The following VLDLR variants were observed in gnomAD, a reference collection of about 807,000 sequenced individuals.
The protein encoded by VLDLR is very low-density lipoprotein receptor.
VLDLR carries 81 observed loss-of-function variants against 112.7 expected under a neutral mutation model. The ratio of observed to expected loss-of-function variants is 0.72; its 90% CI spans 0.60 to 0.86. VLDLR has a LOEUF of 0.86. VLDLR is among the 40% of genes least tolerant of loss of function. The pLI is 0.00. For missense variants in VLDLR, 1,237 were observed against 1,099.4 expected (o/e 1.13, Z -1.77); for synonymous variants, 436 against 384.8 (o/e 1.13, Z -1.56).
At chr9:2,648,491 C>A in intron 13 of VLDLR, 144 bp downstream of exon 13, 1 of 1,505,880 alleles carries the variant, frequency 6.6e-7, no homozygotes, top group Non-Finnish European at 9.2e-7. Flanking sequence ...ACAAATCAGA[C>A]ACTAAGTCCC....
Position 2,643,518 on chromosome 9 carries a change from T to C in VLDLR, c.807T>C (p.Asp269=), listed in dbSNP as rs1328095742. 1 of 1,614,228 alleles carries C rather than the reference T, an allele frequency of 6.2e-7. No individual in the cohort carries two copies. The highest frequency in any genetic ancestry group is 1.1e-5 in the South Asian group (1 of 91,086). The change falls in exon 5 of 19, where the codon GAT becomes GAC. Residue 269 remains aspartate (D), a synonymous_variant. Transcript: ENST00000382100. ...DGDPDCKDGS[D]EVNCPSRTCR... ...ACCCTGACTGCAAGGATGGCAGTGA[T>C]GAGGTCAACTGTCGTAAGTAGCTTT...
At chr9:2,623,154 C>G (rs905610264) in intron 1 of VLDLR, among the ~76,000 whole-genome samples, 2 of 152,236 alleles carry the variant, frequency 1.3e-5, no homozygotes, top group African/African-American at 4.8e-5. Context: ...AGCGCGAGAG[C>G]GAGCGTGTGG....
At chr9:2,637,900 G>A (rs570027859) in intron 2 of VLDLR, among the ~76,000 whole-genome samples, 62 of 152,152 alleles carry the variant, frequency 4.1e-4, no homozygotes, top group Middle Eastern at 3.4e-3. Flanking sequence ...CCAAGACCAC[G>A]CCACTGCACT....
At chr9:2,653,049 A>T in intron 18 of VLDLR, 100 bp downstream of exon 18, 1 of 1,456,402 alleles carries the variant, frequency 6.9e-7, no homozygotes, top group Non-Finnish European at 9.6e-7. Context: ...TGATGGAGTT[A>T]CCAAACACTT....
intron 15 of VLDLR, 78 bp from the exon 16 acceptor site, chr9:2,651,337 T>C: frequency 7.9e-7 from 1 of 1,271,610 alleles, no homozygotes; most frequent in Non-Finnish European, 1.1e-6. Context: ...AATAACCTTT[T>C]ACATGGCTTG....
chr9:2,629,036 G>T (rs973171071), intron 1 of VLDLR, among the ~76,000 whole-genome samples: 1 of 152,204 alleles, frequency 6.6e-6, no homozygotes, highest in African/African-American at 2.4e-5. Flanking sequence ...TCAAAGTGTG[G>T]ACCGAAATTG....
rs961174337 is a variant in VLDLR at position 2,658,758 on chromosome 9, G to A, written c.*4890G>A. On this transcript the variant is annotated 3_prime_UTR_variant, in exon 19 of 19. Transcript: ENST00000382100. ...ACTACTGAATATCACATCAATGCTA[G>A]GGCTGTATTTACTGTCACACACAGG... 1 of 152,112 alleles carries A rather than the reference G, an allele frequency of 6.6e-6. No individual in the cohort carries two copies. The highest frequency in any genetic ancestry group is 1.5e-5 in the Non-Finnish European group (1 of 68,032). 9.4% of individuals were successfully genotyped at this position (152,112 alleles called of 1,614,324 possible).
In VLDLR at chr9:2,639,916, G is replaced by T. The variant is rs765060442; in HGVS notation, c.260G>T (p.Ser87Ile). ...TGCAACAATGGCCAGTGTGTTCCCA[G>T]CCGATGGAAGTGTGATGGAGATCCT... The part of the protein sequence containing the change: ...FVCNNGQCVP[S>I]RWKCDGDPDC... Residue 87 changes from serine (S) to isoleucine (I), a missense_variant, in exon 3 of 19, where the codon AGC (serine) becomes ATC (isoleucine). Coordinates refer to ENST00000382100, the MANE Select transcript of VLDLR (RefSeq NM_003383.5). The T allele has an allele frequency of 1.2e-6, 2 of 1,614,232 alleles. No homozygotes were observed. The highest frequency in any genetic ancestry group is 1.7e-6 in the Non-Finnish European group (2 of 1,180,026).
rs981359597 is a variant in VLDLR, at chr9:2,643,075, A to C, written c.449-85A>C. 6 of 1,585,556 alleles carry C rather than the reference A, an allele frequency of 3.8e-6. No individual in the cohort carries two copies. The Admixed American group carries it at 1.0e-4, about 26-fold the overall frequency. ...CTAGTAAGTTAGGATTAATGAATAA[A>C]GATCAATGTATTAGATTTTGGGACA... On this transcript the variant is annotated intron_variant, in intron 4 of 18. Coordinates refer to ENST00000382100, the MANE Select transcript of VLDLR (RefSeq NM_003383.5).
chr9:2,648,712 G>T lies in VLDLR; in HGVS notation c.2006G>T (p.Gly669Val), dbSNP rs369070069. Residue 669 changes from glycine to valine, a missense_variant, in exon 14 of 19, where the codon GGT (glycine) becomes GTT (valine). Transcript: ENST00000382100. ...GATGGGGAAAATGAAGCAGTCTATGGTGCCAATAAATTCACTGGATCAGAG... is the reference window on the plus strand; with the variant it reads ...GATGGGGAAAATGAAGCAGTCTATGTTGCCAATAAATTCACTGGATCAGAG... The part of the protein sequence containing the change: ...WIDGENEAVY[G>V]ANKFTGSELA... 5 of 1,614,004 alleles carry T rather than the reference G, an allele frequency of 3.1e-6. No individual in the cohort carries two copies.
At chr9:2,650,537 A>G in intron 15 of VLDLR, 21 bp downstream of exon 15, 3 of 1,612,328 alleles carry the variant, frequency 1.9e-6, no homozygotes, top group South Asian at 2.2e-5. Flanking sequence ...TTGTGTTTCA[A>G]CCACAAGTAG....
intron 13 of VLDLR, 62 bp from the exon 14 acceptor site, chr9:2,648,607 A>T (rs1174501542): frequency 6.2e-7 from 1 of 1,611,012 alleles, no homozygotes; most frequent in Admixed American, 1.7e-5. Flanking sequence ...AATGATGATG[A>T]CCTTAGAAAT....
rs1817921697 is a variant in VLDLR, at chr9:2,643,524, C to G, written c.813C>G (p.Val271=). The change falls in exon 5 of 19, where the codon GTC becomes GTG. Residue 271 remains valine (V), a synonymous_variant. Coordinates refer to ENST00000382100, the MANE Select transcript of VLDLR (RefSeq NM_003383.5). ...ACTGCAAGGATGGCAGTGATGAGGT[C>G]AACTGTCGTAAGTAGCTTTCTAGCA... ...DPDCKDGSDE[V]NCPSRTCRPD... is the part of the protein sequence containing the mutation. The G allele has an allele frequency of 6.2e-7, 1 of 1,614,080 alleles. No individual in the cohort carries two copies. Among genetic ancestry groups the G allele is most frequent in the Non-Finnish European group, 8.5e-7 (1 of 1,180,042 alleles).
intron 2 of VLDLR, 150 bp downstream of exon 2, chr9:2,635,722 T>C: frequency 3.3e-6 from 4 of 1,227,532 alleles, no homozygotes; most frequent in Non-Finnish European, 4.6e-6. Context: ...TAAAATTGAA[T>C]GTTTGACGTG....
intron 2 of VLDLR, among the ~76,000 whole-genome samples, chr9:2,639,431 A>T (rs1186652614): frequency 6.6e-6 from 1 of 152,216 alleles, no homozygotes; most frequent in African/African-American, 2.4e-5. Context: ...TTCTGGGTGG[A>T]GACAAACATT....
chr9:2,647,430 C>T (rs199539327), intron 11 of VLDLR, 44 bp from the exon 12 acceptor site: 274 of 1,555,106 alleles, frequency 1.8e-4, no homozygotes, highest in East Asian at 4.3e-4. Context: ...CAACTTTATT[C>T]CTTCTAAACC....
At chr9:2,626,936 C>T (rs1355457404) in intron 1 of VLDLR, among the ~76,000 whole-genome samples, 2 of 152,208 alleles carry the variant, frequency 1.3e-5, no homozygotes, top group Non-Finnish European at 2.9e-5. Flanking sequence ...ATTAACTGAT[C>T]TGTATGTTCA....
chr9:2,622,185 G>T lies in VLDLR; in HGVS notation c.-5G>T, dbSNP rs1210113517. 1.3e-6 allele frequency: 2 copies of T among 1,494,472 alleles called. No individual in the cohort carries two copies. Among genetic ancestry groups the T allele is most frequent in the Non-Finnish European group, 1.8e-6 (2 of 1,128,150 alleles). The allele number at this position is 1,494,472 out of a possible 1,614,324, so 92.6% of individuals were successfully genotyped here. A position where few individuals can be genotyped will look rare whatever the true frequency, so the allele number is the denominator to read the frequency against. On this transcript the variant is annotated 5_prime_UTR_variant, in exon 1 of 19. Coordinates refer to ENST00000382100, the MANE Select transcript of VLDLR (RefSeq NM_003383.5). Reference sequence around the variant, plus strand: ...GGCGGCGGCGGCACCATCCAGGCGGGCACCATGGGCACGTCCGCGCTCTGG... The same window carrying T: ...GGCGGCGGCGGCACCATCCAGGCGGTCACCATGGGCACGTCCGCGCTCTGG...
At position 2,651,774 on chromosome 9, in the gene VLDLR, A is replaced by G. The variant is rs1274031187; in HGVS notation, c.2336-100A>G. ...TGTTCAATTGTTGTAGATACTGAAC[A>G]TCAATATTGGATGCAAAGGTTTTGG... is the stretch of plus-strand genomic sequence containing the variant. On this transcript the variant is annotated intron_variant, in intron 16 of 18. Transcript: ENST00000382100. The G allele has an allele frequency of 3.8e-6, 5 of 1,300,406 alleles. No homozygotes were observed. The South Asian group carries it at 4.8e-5, about 13-fold the overall frequency. The allele number at this position is 1,300,406 out of a possible 1,614,324, so 80.6% of individuals were successfully genotyped here.
Sources: allele counts gnomAD v4.1 joint callset (sites outside exome capture counted in the v4.1 genomes callset), GRCh38; gene constraint gnomAD v4.1.1; transcripts MANE v1.5; gene names NCBI Gene and HGNC (gene_info 2026-07-23, HGNC 2026-07-21).